Variants in EYS observed in about 807,000 individuals in gnomAD.
EYS encodes EGF-like photoreceptor maintenance factor.
A neutral mutation model predicts 282.1 loss-of-function variants in EYS; 250 were observed. The observed-to-expected ratio is 0.89, with a 90% CI of 0.80 to 0.98. The LOEUF is 0.98. Among genes scored for constraint, EYS ranks in the 50% least tolerant of loss-of-function variants. The pLI is 0.00. For missense variants in EYS, 4,016 were observed against 3,709.0 expected (o/e 1.08, Z -2.15); for synonymous variants, 1,355 against 1,282.9 (o/e 1.06, Z -1.20).
intron 41 of EYS, among the ~76,000 whole-genome samples, chr6:63,757,264 C>T (rs893717046): frequency 3.3e-5 from 5 of 151,926 alleles, no homozygotes; most frequent in Non-Finnish European, 7.4e-5. Context: ...CTGTGTTATG[C>T]GGTTGACATA....
At chr6:64,275,332 GT>G (rs1435566069) in intron 30 of EYS, among the ~76,000 whole-genome samples, 2 of 152,092 alleles carry the variant, frequency 1.3e-5, no homozygotes, top group Non-Finnish European at 2.9e-5. Flanking sequence ...GTATGCATAA[GT>G]CTGTACTTAA....
At chr6:64,997,429 G>A (rs956696509) in intron 14 of EYS, among the ~76,000 whole-genome samples, 153 bp downstream of exon 14, 3 of 151,504 alleles carry the variant, frequency 2.0e-5, no homozygotes, top group African/African-American at 4.9e-5. Context: ...AAAAAAAAAA[G>A]TTGCTTGAGT....
intron 12 of EYS, among the ~76,000 whole-genome samples, chr6:65,066,445 A>G (rs1039691859): frequency 1.3e-5 from 2 of 152,216 alleles, no homozygotes; most frequent in Non-Finnish European, 2.9e-5. Context: ...CCATTTTCCT[A>G]TAATGCTCAG....
chr6:63,731,110 G>A (rs188710388), intron 41 of EYS, among the ~76,000 whole-genome samples: 1 of 152,202 alleles, frequency 6.6e-6, no homozygotes, highest in Admixed American at 6.5e-5. Context: ...GCAGTGTGAT[G>A]GTCTGTGTTC....
At chr6:64,365,153 T>C (rs1171562644) in intron 29 of EYS, among the ~76,000 whole-genome samples, 1 of 151,852 alleles carries the variant, frequency 6.6e-6, no homozygotes, top group Admixed American at 6.6e-5. Flanking sequence ...TGGAAATAGT[T>C]ACAATAACCT....
At chr6:65,018,572 A>G (rs1772134650) in intron 13 of EYS, among the ~76,000 whole-genome samples, 2 of 152,226 alleles carry the variant, frequency 1.3e-5, no homozygotes, top group African/African-American at 4.8e-5. Flanking sequence ...ATTACAATAA[A>G]GTGCTAAGTA....
chr6:64,405,577 C>T (rs758011686), intron 28 of EYS, among the ~76,000 whole-genome samples: 2 of 152,184 alleles, frequency 1.3e-5, no homozygotes, highest in Admixed American at 6.5e-5. Flanking sequence ...ATTTAGAAAA[C>T]GCCATCATCT....
intron 31 of EYS, among the ~76,000 whole-genome samples, chr6:64,116,066 C>A (rs1427282949): frequency 3.3e-5 from 5 of 151,708 alleles, no homozygotes; most frequent in Admixed American, 2.6e-4. Flanking sequence ...AGAGATATCA[C>A]AAAAAAGAAC....
At chr6:64,178,998 C>T (rs180685833) in intron 31 of EYS, among the ~76,000 whole-genome samples, 1 of 151,884 alleles carries the variant, frequency 6.6e-6, no homozygotes, top group Non-Finnish European at 1.5e-5. Context: ...TAATAGTCAG[C>T]TTTTAGAATT....
chr6:63,817,175 T>C (rs1294318003), intron 36 of EYS, among the ~76,000 whole-genome samples: 2 of 152,194 alleles, frequency 1.3e-5, no homozygotes, highest in Non-Finnish European at 2.9e-5. Flanking sequence ...TCAAAGGTAA[T>C]GCTACTATTG....
chr6:65,647,074 A>T (rs1050691136), intron 1 of EYS, among the ~76,000 whole-genome samples: 1 of 152,186 alleles, frequency 6.6e-6, no homozygotes, highest in Non-Finnish European at 1.5e-5. Context: ...GAAATCATGA[A>T]AATGACCATA....
intron 30 of EYS, among the ~76,000 whole-genome samples, chr6:64,236,551 G>C (rs959895358): frequency 2.0e-5 from 3 of 152,082 alleles, no homozygotes; most frequent in Non-Finnish European, 4.4e-5. Context: ...CAAAATATAA[G>C]AGTTCAAGTT....
At chr6:64,068,042 A>C (rs1771441132) in intron 32 of EYS, among the ~76,000 whole-genome samples, 1 of 152,132 alleles carries the variant, frequency 6.6e-6, no homozygotes, top group Non-Finnish European at 1.5e-5. Context: ...GAAAGTATAA[A>C]TATGATTAAC....
intron 2 of EYS, among the ~76,000 whole-genome samples, chr6:65,595,932 G>A (rs2149787268): frequency 6.6e-6 from 1 of 152,150 alleles, no homozygotes; most frequent in African/African-American, 2.4e-5. Context: ...CTTCAGCCTT[G>A]AGCTCTGAGT....
At chr6:65,236,180 T>C (rs1766918192) in intron 12 of EYS, among the ~76,000 whole-genome samples, 1 of 152,188 alleles carries the variant, frequency 6.6e-6, no homozygotes, top group African/African-American at 2.4e-5. Context: ...AGGATCCTAA[T>C]ATTACCGGAA....
At chr6:64,142,215 AG>A (rs1288779222) in intron 31 of EYS, among the ~76,000 whole-genome samples, 5 of 152,116 alleles carry the variant, frequency 3.3e-5, no homozygotes, top group African/African-American at 9.7e-5. Context: ...ATACTTGAAG[AG>A]TATCCAATAA....
At chr6:64,203,561 T>C (rs1165267721) in intron 31 of EYS, among the ~76,000 whole-genome samples, 1 of 152,192 alleles carries the variant, frequency 6.6e-6, no homozygotes, top group Non-Finnish European at 1.5e-5. Flanking sequence ...ATGGCTTCTA[T>C]GGGATTATGC....
intron 31 of EYS, among the ~76,000 whole-genome samples, chr6:64,227,798 C>T (rs1338695087): frequency 6.6e-6 from 1 of 151,944 alleles, no homozygotes; most frequent in Admixed American, 6.6e-5. Context: ...ATTTTCATGG[C>T]ACTCTGTCTG....
intron 26 of EYS, among the ~76,000 whole-genome samples, chr6:64,517,357 A>AT (rs1319640802): frequency 5.9e-5 from 9 of 151,970 alleles, no homozygotes; most frequent in Non-Finnish European, 1.0e-4. Context: ...TTTTGGGAAG[A>AT]TTTTGGTAAA....
Sources: allele counts gnomAD v4.1 joint callset (sites outside exome capture counted in the v4.1 genomes callset), GRCh38; gene constraint gnomAD v4.1.1; transcripts MANE v1.5; gene names NCBI Gene and HGNC (gene_info 2026-07-23, HGNC 2026-07-21).